The following ZNF438 variants were observed in gnomAD, a reference collection of about 807,000 sequenced individuals.
The protein encoded by ZNF438 is zinc finger protein 438.
A neutral mutation model predicts 38.0 loss-of-function variants in ZNF438; 25 were observed. The observed-to-expected ratio is 0.66, with a 90% CI of 0.48 to 0.92. ZNF438 has a LOEUF of 0.92. ZNF438 is among the 40% of genes least tolerant of loss of function. The probability of loss-of-function intolerance (pLI) is 0.00; values close to 1 mark genes in which losing one functional copy is unlikely to be tolerated. For synonymous variants in ZNF438, 372 were observed against 364.1 expected (o/e 1.02, Z -0.25); for missense variants, 1,007 against 999.6 (o/e 1.01, Z -0.10).
In ZNF438 at chr10:30,856,268, A is replaced by G. The variant is rs16932002; in HGVS notation, c.38-5901T>C. ...GAAGTATTAGAGCTCATTACCTCCC[A>G]AGGACAAGTGGAGTTGTACAAATTA... On this transcript the variant is annotated intron_variant, in intron 4 of 5. Coordinates refer to ENST00000413025, the Ensembl canonical transcript of ZNF438. 9.9e-3 allele frequency among the ~76,000 whole-genome samples: 1,508 copies of G among 152,304 alleles called. 26 individuals carry two copies. The highest frequency in any genetic ancestry group is 0.034 in the African/African-American group (1,396 of 41,550).
At chr10:30,914,412 G>A (rs2043382832) in intron 2 of ZNF438, among the ~76,000 whole-genome samples, 1 of 151,764 alleles carries the variant, frequency 6.6e-6, no homozygotes, top group South Asian at 2.1e-4. Flanking sequence ...GATACAAGAA[G>A]CTACACATGT....
At chr10:30,976,438 A>C (rs1198014341) in intron 1 of ZNF438, among the ~76,000 whole-genome samples, 2 of 152,206 alleles carry the variant, frequency 1.3e-5, no homozygotes, top group Non-Finnish European at 2.9e-5. Context: ...AACAAAACAC[A>C]AGTCATAAAT....
intron 2 of ZNF438, among the ~76,000 whole-genome samples, chr10:30,939,510 TA>T (rs1186904527): frequency 6.6e-6 from 1 of 152,224 alleles, no homozygotes; most frequent in Non-Finnish European, 1.5e-5. Context: ...ATACCTGACT[TA>T]AAAACAACCC....
chr10:30,955,619 G>A lies in ZNF438; in HGVS notation c.-191-13968C>T, dbSNP rs554312207. Among the ~76,000 whole-genome samples the A allele has an allele frequency of 2.6e-5, 4 of 152,258 alleles. No homozygotes were observed. The East Asian group carries it at 7.7e-4, about 29-fold the overall frequency. On this transcript the variant is annotated intron_variant, in intron 1 of 5. Coordinates refer to ENST00000413025, the Ensembl canonical transcript of ZNF438. ...ATATATGTATCTTGAATCCTCCAGA[G>A]AATTCCATCCACCAGCAGAATACCA...
At chr10:30,951,987 C>T (rs2048263656) in intron 1 of ZNF438, among the ~76,000 whole-genome samples, 1 of 150,532 alleles carries the variant, frequency 6.6e-6, no homozygotes, top group African/African-American at 2.4e-5. Context: ...ATCACACTAC[C>T]TGACTTCAAA....
intron 1 of ZNF438, among the ~76,000 whole-genome samples, chr10:31,000,739 G>A (rs558235984): frequency 1.3e-5 from 2 of 151,806 alleles, no homozygotes; most frequent in African/African-American, 4.8e-5. Flanking sequence ...TTAAAATCTG[G>A]GGATGCTCAC....
At chr10:31,001,952 T>C (rs1029105403) in intron 1 of ZNF438, among the ~76,000 whole-genome samples, 1 of 151,922 alleles carries the variant, frequency 6.6e-6, no homozygotes, top group Non-Finnish European at 1.5e-5. Flanking sequence ...CAGGGCTGAG[T>C]AAGAAGGGAT....
chr10:30,901,775 C>T (rs182836988), intron 3 of ZNF438, among the ~76,000 whole-genome samples: 2 of 152,104 alleles, frequency 1.3e-5, no homozygotes, highest in East Asian at 1.9e-4. Flanking sequence ...AGAATGAAGC[C>T]GCGGACCCTC....
chr10:30,913,992 A>C (rs1414833219), intron 2 of ZNF438, among the ~76,000 whole-genome samples: 1 of 152,170 alleles, frequency 6.6e-6, no homozygotes, highest in East Asian at 1.9e-4. Flanking sequence ...GTTAATTTCA[A>C]CAATGTCCTA....
intron 4 of ZNF438, among the ~76,000 whole-genome samples, chr10:30,855,404 T>A (rs899057121): frequency 2.6e-5 from 4 of 152,178 alleles, no homozygotes; most frequent in African/African-American, 7.2e-5. Flanking sequence ...TATCACAAGC[T>A]AATCACAAAG....
At chr10:30,967,643 T>G (rs1020729520) in intron 1 of ZNF438, among the ~76,000 whole-genome samples, 28 of 152,340 alleles carry the variant, frequency 1.8e-4, no homozygotes, top group African/African-American at 6.5e-4. Context: ...AATATGTTAC[T>G]GCTCTGGTGT....
intron 2 of ZNF438, among the ~76,000 whole-genome samples, chr10:30,911,637 A>T (rs549065366): frequency 7.9e-5 from 12 of 152,236 alleles, no homozygotes; most frequent in African/African-American, 2.9e-4. Context: ...GTTTGTGGTC[A>T]ACTAGGAAAC....
intron 4 of ZNF438, among the ~76,000 whole-genome samples, chr10:30,854,401 C>T (rs2034253771): frequency 6.6e-6 from 1 of 152,174 alleles, no homozygotes; most frequent in Non-Finnish European, 1.5e-5. Context: ...TCTGTGTCTT[C>T]AGGGCCTACA....
intron 1 of ZNF438, among the ~76,000 whole-genome samples, chr10:30,945,388 CT>C (rs61149961): frequency 0.6 from 84,962 of 141,044 alleles, 26,452 homozygotes; most frequent in Non-Finnish European, 0.71. Flanking sequence ...GATTCTTTTA[CT>C]TTTTTTTTTT....
At chr10:30,976,936 A>G (rs1253225363) in intron 1 of ZNF438, among the ~76,000 whole-genome samples, 2 of 152,160 alleles carry the variant, frequency 1.3e-5, no homozygotes, top group African/African-American at 4.8e-5. Context: ...AAAAAATAAT[A>G]AAGTTCAACA....
intron 1 of ZNF438, among the ~76,000 whole-genome samples, chr10:30,996,395 G>A (rs2054052310): frequency 6.6e-6 from 1 of 151,946 alleles, no homozygotes; most frequent in South Asian, 2.1e-4. Context: ...ATACAAATAG[G>A]TTGAAAGTAA....
chr10:30,857,686 T>A, intron 4 of ZNF438: 6 of 1,508,310 alleles, frequency 4.0e-6, no homozygotes, highest in Non-Finnish European at 5.4e-6. Flanking sequence ...TTACTATCCA[T>A]AGGACTCTGA....
intron 2 of ZNF438, among the ~76,000 whole-genome samples, chr10:30,918,667 C>A (rs191647311): frequency 5.3e-5 from 8 of 152,122 alleles, no homozygotes; most frequent in Admixed American, 2.6e-4. Flanking sequence ...GTATGGTAAA[C>A]AAGACAAGAA....
chr10:30,943,016 GA>G (rs1376277819), intron 1 of ZNF438, among the ~76,000 whole-genome samples: 1 of 152,104 alleles, frequency 6.6e-6, no homozygotes, highest in Non-Finnish European at 1.5e-5. Flanking sequence ...AATTTAAGGA[GA>G]AAAAGTGGAA....
Sources: gnomAD v4.1 joint callset for allele counts (sites outside exome capture counted in the v4.1 genomes callset) on GRCh38, gnomAD v4.1.1 for gene constraint, MANE v1.5 for transcripts, NCBI Gene and HGNC (gene_info 2026-07-23, HGNC 2026-07-21) for gene names.